OXR1: variants seen among roughly 807,000 people sequenced by gnomAD.
The protein encoded by OXR1 is oxidation resistance protein 1.
A neutral mutation model predicts 104.6 loss-of-function variants in OXR1; 41 were observed. That is an observed-to-expected ratio of 0.39 (90% CI 0.31 to 0.51). The LOEUF (loss-of-function observed/expected upper bound fraction) is 0.51, where lower values mean the gene tolerates loss of function less well. Among genes scored for constraint, OXR1 ranks in the 20% least tolerant of loss-of-function variants. The pLI is 0.77. For missense variants in OXR1, 955 were observed against 1,031.9 expected, an observed-to-expected ratio of 0.93 and a Z score of 1.02; for synonymous variants, 348 against 348.4, an observed-to-expected ratio of 1.00 and a Z score of 0.01.
At chr8:106,641,102 T>C (rs2130940942) in intron 3 of OXR1, among the ~76,000 whole-genome samples, 1 of 152,358 alleles carries the variant, frequency 6.6e-6, no homozygotes, top group South Asian at 2.1e-4. Context: ...ATAAATTTGC[T>C]AGCTAAAGAA....
chr8:106,502,061 T>G (rs991404693), intron 2 of OXR1, among the ~76,000 whole-genome samples: 6 of 152,184 alleles, frequency 3.9e-5, no homozygotes, highest in Non-Finnish European at 7.3e-5. Context: ...TTTGATAAGA[T>G]TCTTAGATAC....
Position 106,453,535 on chromosome 8 carries a change from A to G in OXR1, c.24-65408A>G, listed in dbSNP as rs191021095. Among the ~76,000 whole-genome samples, 303 of 152,256 alleles carry G rather than the reference A, an allele frequency of 2.0e-3. No individual in the cohort carries two copies. The Middle Eastern group carries it at 0.024, about 12-fold the overall frequency. On this transcript the variant is annotated intron_variant, in intron 2 of 16. Coordinates refer to ENST00000517566, the MANE Select transcript of OXR1 (RefSeq NM_001198533.2). ...CCATGCCTTAATTCAGGCACTCATT[A>G]TCTCTCACACAAACTATTTCAAGAC...
chr8:106,591,493 G>A (rs1445452132), intron 3 of OXR1, among the ~76,000 whole-genome samples: 2 of 151,460 alleles, frequency 1.3e-5, no homozygotes, highest in East Asian at 3.9e-4. Context: ...GGGAAAGGAG[G>A]AAAGAAAAAT....
rs749428029 is a variant in OXR1, at chr8:106,724,523, TA to T, written c.1956+10539del. Among the ~76,000 whole-genome samples the T allele has an allele frequency of 7.2e-5, 11 of 152,208 alleles. No homozygotes were observed. In the East Asian group the frequency reaches 1.9e-3, roughly 27 times the overall value. ...CTTAAACCTGTTGTTTCTCGAAGTG[TA>T]GTTCCCAGACCATCAGCAGCAGCAG... On this transcript the variant is annotated intron_variant, in intron 11 of 16. Coordinates refer to ENST00000517566, the MANE Select transcript of OXR1 (RefSeq NM_001198533.2).
intron 11 of OXR1, chr8:106,729,768 G>A (rs1011729919): frequency 6.6e-6 from 1 of 151,858 alleles, no homozygotes; most frequent in Non-Finnish European, 1.5e-5. Flanking sequence ...ATAGCATAGG[G>A]GGCTTTCCAG....
intron 3 of OXR1, among the ~76,000 whole-genome samples, chr8:106,585,225 C>A (rs946530199): frequency 1.1e-4 from 17 of 152,030 alleles, no homozygotes; most frequent in African/African-American, 4.1e-4. Flanking sequence ...TTGTGGATGG[C>A]AATTCTAGAA....
intron 2 of OXR1, among the ~76,000 whole-genome samples, chr8:106,426,850 T>C (rs1819141613): frequency 6.6e-6 from 1 of 152,166 alleles, no homozygotes; most frequent in African/African-American, 2.4e-5. Flanking sequence ...TAATCAGCGA[T>C]TTGTGACTTA....
chr8:106,298,114 C>A (rs1332549476), intron 1 of OXR1, among the ~76,000 whole-genome samples: 1 of 152,170 alleles, frequency 6.6e-6, no homozygotes. Context: ...AGATATGCTT[C>A]TGCTTATTTA....
chr8:106,626,238 A>G (rs1307265485), intron 3 of OXR1, among the ~76,000 whole-genome samples: 1 of 151,904 alleles, frequency 6.6e-6, no homozygotes, highest in Non-Finnish European at 1.5e-5. Context: ...AAGATATTAT[A>G]TAGAAGTATA....
intron 3 of OXR1, among the ~76,000 whole-genome samples, chr8:106,668,436 A>G (rs1434493310): frequency 2.0e-5 from 3 of 152,210 alleles, no homozygotes; most frequent in Non-Finnish European, 4.4e-5. Flanking sequence ...AGCCTGACTC[A>G]TGTGCCCACA....
Position 106,489,487 on chromosome 8 carries a change from T to G in OXR1, c.24-29456T>G, listed in dbSNP as rs1337217059. Among the ~76,000 whole-genome samples the G allele has an allele frequency of 2.0e-5, 3 of 152,160 alleles. No individual in the cohort carries two copies. The East Asian group carries it at 5.8e-4, about 29-fold the overall frequency. On this transcript the variant is annotated intron_variant, in intron 2 of 16. Transcript: ENST00000517566. ...TGATATGTGCCAAAAATACAAACAT[T>G]TGATATTAGTGTATCTGACATATAT...
At chr8:106,540,709 G>A (rs1040183134) in intron 3 of OXR1, among the ~76,000 whole-genome samples, 1 of 152,132 alleles carries the variant, frequency 6.6e-6, no homozygotes, top group African/African-American at 2.4e-5. Flanking sequence ...CACGTGGCTG[G>A]GGAAGCCTCA....
intron 3 of OXR1, among the ~76,000 whole-genome samples, chr8:106,529,154 T>A (rs1323210252): frequency 6.6e-6 from 1 of 152,208 alleles, no homozygotes; most frequent in African/African-American, 2.4e-5. Flanking sequence ...AATTTTTTTT[T>A]ATCAAGATAG....
chr8:106,467,885 G>C (rs556408222), intron 2 of OXR1, among the ~76,000 whole-genome samples: 1 of 151,878 alleles, frequency 6.6e-6, no homozygotes, highest in Admixed American at 6.6e-5. Flanking sequence ...ATGGAAGATA[G>C]TAACGTTTTG....
In OXR1 at chr8:106,650,048, T is replaced by C. The variant is rs145479281; in HGVS notation, c.221-29162T>C. ...AATAACAACATAATGAATAATGTCTTCAATATCAGTTCCTCACACAATTAT... is the reference window on the plus strand; with the variant it reads ...AATAACAACATAATGAATAATGTCTCCAATATCAGTTCCTCACACAATTAT... On this transcript the variant is annotated intron_variant, in intron 3 of 16. Transcript: ENST00000517566. Among the ~76,000 whole-genome samples, 31 of 152,284 alleles carry C rather than the reference T, an allele frequency of 2.0e-4. 1 individual carries two copies. The East Asian group carries it at 6.0e-3, about 29-fold the overall frequency.
intron 2 of OXR1, among the ~76,000 whole-genome samples, chr8:106,475,945 T>G (rs1261085105): frequency 6.6e-6 from 1 of 151,912 alleles, no homozygotes; most frequent in Non-Finnish European, 1.5e-5. Context: ...GGCTCTGTCA[T>G]AAATTCTATA....
intron 2 of OXR1, among the ~76,000 whole-genome samples, chr8:106,470,930 G>T (rs1821457239): frequency 6.6e-6 from 1 of 151,792 alleles, no homozygotes; most frequent in African/African-American, 2.4e-5. Flanking sequence ...CTGACCATTG[G>T]AGGTCATTGC....
Position 106,536,474 on chromosome 8 carries a change from C to A in OXR1, c.220+17335C>A, listed in dbSNP as rs76494510. Among the ~76,000 whole-genome samples, 195 of 151,568 alleles carry A rather than the reference C, an allele frequency of 1.3e-3. 1 individual carries two copies. The highest frequency in any genetic ancestry group is 4.5e-3 in the African/African-American group (187 of 41,300). ...CACAGAAATGACTGAAGACTAATAC[C>A]CAAGCAATTGCTAAAGGATAGTTGC... On this transcript the variant is annotated intron_variant, in intron 3 of 16. Transcript: ENST00000517566.
intron 3 of OXR1, among the ~76,000 whole-genome samples, chr8:106,531,763 C>T (rs191144561): frequency 8.5e-5 from 13 of 152,154 alleles, no homozygotes; most frequent in Non-Finnish European, 1.6e-4. Flanking sequence ...AAAAAAGGTA[C>T]GTGGTGTGCT....
Sources: gnomAD v4.1 joint callset for allele counts (sites outside exome capture counted in the v4.1 genomes callset) on GRCh38, gnomAD v4.1.1 for gene constraint, MANE v1.5 for transcripts, NCBI Gene and HGNC (gene_info 2026-07-23, HGNC 2026-07-21) for gene names.